The following SYN3 variants were observed in gnomAD, a reference collection of about 807,000 sequenced individuals.
SYN3 encodes the protein synapsin III, also known as synapsin-3.
SYN3 carries 35 observed loss-of-function variants against 65.8 expected under a neutral mutation model. That is an observed-to-expected ratio of 0.53 (90% CI 0.41 to 0.70). The LOEUF is 0.70. SYN3 is among the 30% of genes least tolerant of loss of function. The probability of loss-of-function intolerance (pLI) is 0.00; values close to 1 mark genes in which losing one functional copy is unlikely to be tolerated. For synonymous variants in SYN3, 270 were observed against 292.9 expected, an observed-to-expected ratio of 0.92 and a Z score of 0.80; for missense variants, 680 against 749.0, an observed-to-expected ratio of 0.91 and a Z score of 1.08.
intron 1 of SYN3, among the ~76,000 whole-genome samples, chr22:33,037,928 A>G (rs1490499774): frequency 6.6e-6 from 1 of 152,230 alleles, no homozygotes; most frequent in African/African-American, 2.4e-5. Context: ...AAAGAAAGGT[A>G]AAAATTAGGA....
At chr22:32,997,294 G>A (rs1569392070) in intron 2 of SYN3, among the ~76,000 whole-genome samples, 1 of 152,188 alleles carries the variant, frequency 6.6e-6, no homozygotes, top group African/African-American at 2.4e-5. Flanking sequence ...GTGCACAGAT[G>A]CTTGCCAAAA....
intron 6 of SYN3, among the ~76,000 whole-genome samples, chr22:32,744,349 A>T (rs1210604229): frequency 6.6e-6 from 1 of 152,190 alleles, no homozygotes; most frequent in Non-Finnish European, 1.5e-5. Flanking sequence ...AAATTGTAAT[A>T]GACAAATCAC....
rs767661484 is a variant in SYN3 at position 33,006,647 on chromosome 22, G to C, written c.16C>G (p.Arg6Gly). 1 of 1,580,322 alleles carries C rather than the reference G, an allele frequency of 6.3e-7. No homozygotes were observed. Among genetic ancestry groups the C allele is most frequent in the Non-Finnish European group, 8.6e-7 (1 of 1,162,392 alleles). Residue 6 changes from arginine (R) to glycine (G), a missense_variant, in exon 2 of 14, where the codon CGA becomes GGA. Transcript: ENST00000358763. ...ATGAAGCTGCTGTCAGAGAGACGTC[G>C]CCGGAGGAAATTCATGGCTGTGGAT... MNFLR[R>G]RLSDSSFMAN... is the part of the protein sequence containing the mutation.
intron 6 of SYN3, among the ~76,000 whole-genome samples, chr22:32,797,495 G>C (rs1365714766): frequency 2.6e-5 from 4 of 152,104 alleles, no homozygotes; most frequent in Non-Finnish European, 5.9e-5. Context: ...GGATGTGGAA[G>C]AGTTCAGTAA....
chr22:33,021,240 C>T (rs987994558), intron 1 of SYN3, among the ~76,000 whole-genome samples: 16 of 152,194 alleles, frequency 1.1e-4, no homozygotes, highest in African/African-American at 3.9e-4. Context: ...ATACCCTGCC[C>T]TTCCTACTTC....
intron 6 of SYN3, among the ~76,000 whole-genome samples, chr22:32,847,264 CG>C (rs2048092703): frequency 6.6e-6 from 1 of 152,132 alleles, no homozygotes; most frequent in African/African-American, 2.4e-5. Context: ...CCGGGGCCTC[CG>C]GGAGGCTGGC....
chr22:33,029,218 C>T (rs1281875695), intron 1 of SYN3, among the ~76,000 whole-genome samples: 5 of 151,074 alleles, frequency 3.3e-5, no homozygotes, highest in Middle Eastern at 3.4e-3. Context: ...TTTGTTGCCC[C>T]GGCTGGAGTG....
chr22:32,872,936 C>CTTTTT lies in SYN3; in HGVS notation c.462-3816_462-3812dup, dbSNP rs35506480. Among the ~76,000 whole-genome samples the CTTTTT allele has an allele frequency of 5.6e-4, 64 of 115,160 alleles. 1 individual carries two copies. Among genetic ancestry groups the CTTTTT allele is most frequent in the Non-Finnish European group, 7.4e-4 (43 of 58,314 alleles). The allele number at this position is 115,160 out of a possible 152,430, so 75.5% of individuals were successfully genotyped here. The stretch of plus-strand genomic sequence containing the variant: ...AGTTGGGTGCAACGTGCCCTAAGCA[C>CTTTTT]TTTTTTTTTTTTTTTTTTTTTGAGA... On this transcript the variant is annotated intron_variant, in intron 4 of 13. Coordinates refer to ENST00000358763, the MANE Select transcript of SYN3 (RefSeq NM_003490.4).
At chr22:32,777,342 G>A (rs1363422550) in intron 6 of SYN3, among the ~76,000 whole-genome samples, 1 of 151,934 alleles carries the variant, frequency 6.6e-6, no homozygotes, top group East Asian at 1.9e-4. Context: ...TGGCATATGG[G>A]CACATTAGAT....
chr22:32,563,682 T>G (rs2058618554), intron 7 of SYN3, among the ~76,000 whole-genome samples: 1 of 152,124 alleles, frequency 6.6e-6, no homozygotes, highest in Non-Finnish European at 1.5e-5. Flanking sequence ...CTAGTTTTTT[T>G]GTTTGGAGAC....
chr22:32,717,307 G>A (rs1043909620), intron 6 of SYN3, among the ~76,000 whole-genome samples: 1 of 152,170 alleles, frequency 6.6e-6, no homozygotes, highest in African/African-American at 2.4e-5. Context: ...CCCCTGTAAG[G>A]TCCCTTGAGT....
intron 6 of SYN3, chr22:32,802,015 T>A (rs1338115095): frequency 6.3e-7 from 1 of 1,578,442 alleles, no homozygotes. Context: ...ACCCCTTGGC[T>A]CGGGCTCATC....
In SYN3 at chr22:32,943,907, A is replaced by G. The variant is rs182648736; in HGVS notation, c.370-12426T>C. Among the ~76,000 whole-genome samples the G allele has an allele frequency of 5.3e-3, 813 of 152,356 alleles. 7 individuals are homozygous for G. Among genetic ancestry groups the G allele is most frequent in the African/African-American group, 0.019 (784 of 41,580 alleles). On this transcript the variant is annotated intron_variant, in intron 3 of 13. Coordinates refer to ENST00000358763, the MANE Select transcript of SYN3 (RefSeq NM_003490.4). ...CAACAAGAAGAGCTAACTATCCTAA[A>G]TATATATGCGCCCAACACAGGAGCA...
chr22:32,958,832 G>A (rs968263310), intron 3 of SYN3, among the ~76,000 whole-genome samples: 3 of 152,050 alleles, frequency 2.0e-5, no homozygotes, highest in African/African-American at 4.8e-5. Flanking sequence ...TGTTTCACTA[G>A]GCTCCTTCCA....
intron 2 of SYN3, among the ~76,000 whole-genome samples, chr22:32,996,502 G>A (rs9619323): frequency 6.6e-6 from 1 of 152,044 alleles, no homozygotes; most frequent in Non-Finnish European, 1.5e-5. Flanking sequence ...TCTTGGCCAA[G>A]ACCACAGAGA....
At chr22:32,821,465 A>G (rs1425481887) in intron 6 of SYN3, among the ~76,000 whole-genome samples, 2 of 152,220 alleles carry the variant, frequency 1.3e-5, no homozygotes, top group African/African-American at 4.8e-5. Context: ...GCCAGAGTTG[A>G]TAGAAATGGA....
intron 6 of SYN3, among the ~76,000 whole-genome samples, chr22:32,605,620 A>C (rs1004276896): frequency 6.6e-6 from 1 of 152,238 alleles, no homozygotes; most frequent in Non-Finnish European, 1.5e-5. Flanking sequence ...TTTTGGCCTA[A>C]GATCACTCAG....
intron 7 of SYN3, among the ~76,000 whole-genome samples, chr22:32,579,210 C>T (rs1226931374): frequency 6.6e-6 from 1 of 152,172 alleles, no homozygotes; most frequent in Non-Finnish European, 1.5e-5. Flanking sequence ...TCCTTAACTC[C>T]AAACAGCTTG....
chr22:32,854,069 T>C (rs1392503627), intron 6 of SYN3, among the ~76,000 whole-genome samples: 1 of 152,202 alleles, frequency 6.6e-6, no homozygotes, highest in Non-Finnish European at 1.5e-5. Flanking sequence ...ATTATAACTC[T>C]CCTAAATTTG....
Sources: allele counts gnomAD v4.1 joint callset (sites outside exome capture counted in the v4.1 genomes callset), GRCh38; gene constraint gnomAD v4.1.1; transcripts MANE v1.5; gene names NCBI Gene and HGNC (gene_info 2026-07-23, HGNC 2026-07-21).